Variants in FLRT1 observed in about 807,000 individuals in gnomAD.
FLRT1 encodes fibronectin leucine rich transmembrane protein 1.
A neutral mutation model predicts 30.9 loss-of-function variants in FLRT1; 14 were observed. The ratio of observed to expected loss-of-function variants is 0.45; its 90% confidence interval spans 0.30 to 0.71. The LOEUF is 0.71. FLRT1 is among the 30% of genes least tolerant of loss of function. The pLI is 0.08. For missense variants in FLRT1, 737 were observed against 949.2 expected (o/e 0.78, Z 2.94); for synonymous variants, 368 against 430.4 (o/e 0.85, Z 1.80).
chr11:64,054,643 G>A (rs920317103), intron 1 of FLRT1, among the ~76,000 whole-genome samples: 4 of 152,136 alleles, frequency 2.6e-5, no homozygotes, highest in Non-Finnish European at 5.9e-5. Flanking sequence ...AATGGGTGGA[G>A]TACTTGGTGA....
intron 1 of FLRT1, among the ~76,000 whole-genome samples, chr11:64,042,086 G>A (rs1460026854): frequency 6.6e-6 from 1 of 152,172 alleles, no homozygotes; most frequent in Non-Finnish European, 1.5e-5. Flanking sequence ...CAGGGAAGGT[G>A]GCGGTGGCCC....
At chr11:64,108,017 G>A (rs940014007) in intron 2 of FLRT1, among the ~76,000 whole-genome samples, 2 of 152,164 alleles carry the variant, frequency 1.3e-5, no homozygotes, top group Non-Finnish European at 2.9e-5. Flanking sequence ...AAAGCCCAGG[G>A]AAGTAGATCG....
At chr11:64,080,421 T>C (rs918917332) in intron 1 of FLRT1, among the ~76,000 whole-genome samples, 5 of 152,194 alleles carry the variant, frequency 3.3e-5, no homozygotes, top group Admixed American at 3.3e-4. Flanking sequence ...CGGGTTTTTT[T>C]GTGTGTATTT....
intron 2 of FLRT1, among the ~76,000 whole-genome samples, chr11:64,106,280 C>A (rs1359812731): frequency 6.6e-6 from 1 of 152,080 alleles, no homozygotes; most frequent in African/African-American, 2.4e-5. Context: ...GGTGAGGGCA[C>A]CCTGGGTCAC....
chr11:64,070,444 A>G (rs1944086252), intron 1 of FLRT1, among the ~76,000 whole-genome samples: 1 of 152,180 alleles, frequency 6.6e-6, no homozygotes, highest in Non-Finnish European at 1.5e-5. Context: ...AGGGACTGCA[A>G]GGGATAAAAC....
At chr11:64,040,025 C>CTCAT (rs992718465) in intron 1 of FLRT1, among the ~76,000 whole-genome samples, 90 of 152,342 alleles carry the variant, frequency 5.9e-4, no homozygotes, top group Middle Eastern at 3.4e-3. Flanking sequence ...TCCTTTCCTG[C>CTCAT]TCATTCATTC....
rs546342049 is a variant in FLRT1, at chr11:64,093,731, G to A, written c.-1037-9463G>A. Reference sequence around the variant, plus strand: ...TCACTCCCCACCCACTGGGCCTCCCGCTCTGTAGTGTGGCTGTGTGTCTCT... The same window carrying A: ...TCACTCCCCACCCACTGGGCCTCCCACTCTGTAGTGTGGCTGTGTGTCTCT... On this transcript the variant is annotated intron_variant, in intron 1 of 2. Transcript: ENST00000682287. Among the ~76,000 whole-genome samples, 249 of 152,250 alleles carry A rather than the reference G, an allele frequency of 1.6e-3. 2 individuals carry two copies. Among genetic ancestry groups the A allele is most frequent in the African/African-American group, 5.7e-3 (235 of 41,540 alleles).
rs549767509 is a variant in FLRT1, at chr11:64,103,645, G to A, written c.-586G>A. ...GTAAAAGCCACGCAGAGGCCCTTCAGAAGAGGTGGCGGGCTGCAGACAAAA... is the reference window on the plus strand; with the variant it reads ...GTAAAAGCCACGCAGAGGCCCTTCAAAAGAGGTGGCGGGCTGCAGACAAAA... On this transcript the variant is annotated 5_prime_UTR_variant, in exon 2 of 3. Transcript: ENST00000682287. 19 of 152,096 alleles carry A rather than the reference G, an allele frequency of 1.2e-4. No individual in the cohort carries two copies. Among genetic ancestry groups the A allele is most frequent in the African/African-American group, 4.6e-4 (19 of 41,460 alleles). The allele number at this position is 152,096 out of a possible 1,614,324, so 9.4% of individuals were successfully genotyped here. A position where few individuals can be genotyped will look rare whatever the true frequency, so the allele number is the denominator to read the frequency against.
intron 1 of FLRT1, among the ~76,000 whole-genome samples, chr11:64,059,492 C>T (rs541311858): frequency 1.3e-5 from 2 of 152,330 alleles, no homozygotes; most frequent in Non-Finnish European, 2.9e-5. Flanking sequence ...TGCCCTTCCA[C>T]AGGCTGACCC....
chr11:64,053,185 T>C (rs1021398094), intron 1 of FLRT1, among the ~76,000 whole-genome samples: 1 of 152,066 alleles, frequency 6.6e-6, no homozygotes, highest in African/African-American at 2.4e-5. Flanking sequence ...CTTGGGGCCC[T>C]GGGGTGGGCG....
At chr11:64,069,122 C>T (rs939094211) in intron 1 of FLRT1, among the ~76,000 whole-genome samples, 2 of 152,148 alleles carry the variant, frequency 1.3e-5, no homozygotes, top group African/African-American at 4.8e-5. Context: ...GTGAGGGTGA[C>T]GGTGTCCAGC....
chr11:64,069,477 C>T (rs1157882009), intron 1 of FLRT1, among the ~76,000 whole-genome samples: 2 of 152,214 alleles, frequency 1.3e-5, no homozygotes, highest in Non-Finnish European at 2.9e-5. Context: ...CAGTCTGGTC[C>T]CCTTTAGCCT....
At chr11:64,080,742 C>T (rs559934103) in intron 1 of FLRT1, among the ~76,000 whole-genome samples, 3 of 152,286 alleles carry the variant, frequency 2.0e-5, no homozygotes, top group Admixed American at 6.5e-5. Context: ...GACAGGCCCC[C>T]GGCTGGATCC....
At chr11:64,104,336 C>A (rs1167531041) in intron 2 of FLRT1, among the ~76,000 whole-genome samples, 155 bp downstream of exon 2, 1 of 152,130 alleles carries the variant, frequency 6.6e-6, no homozygotes, top group Non-Finnish European at 1.5e-5. Flanking sequence ...CAGCTCCATC[C>A]CACACACCCA....
chr11:64,038,065 C>T (rs1044366925), intron 1 of FLRT1, among the ~76,000 whole-genome samples: 3 of 152,150 alleles, frequency 2.0e-5, no homozygotes, highest in African/African-American at 7.2e-5. Flanking sequence ...ACTTCATCCT[C>T]ACGCTGGCCC....
chr11:64,058,875 T>G (rs953787907), intron 1 of FLRT1, among the ~76,000 whole-genome samples: 4 of 152,078 alleles, frequency 2.6e-5, no homozygotes, highest in Non-Finnish European at 5.9e-5. Context: ...GGAGCTTCCA[T>G]CTTCACTCTG....
intron 1 of FLRT1, among the ~76,000 whole-genome samples, chr11:64,086,730 T>C (rs1236090852): frequency 1.3e-5 from 2 of 152,136 alleles, no homozygotes; most frequent in East Asian, 3.9e-4. Context: ...AAGGTTCTCG[T>C]GCTCACAGTA....
chr11:64,097,614 A>G (rs958916590), intron 1 of FLRT1, among the ~76,000 whole-genome samples: 10 of 152,238 alleles, frequency 6.6e-5, no homozygotes, highest in Non-Finnish European at 4.4e-5. Context: ...GGGTTTTGTC[A>G]GGAGATGGTT....
intron 1 of FLRT1, among the ~76,000 whole-genome samples, chr11:64,089,870 G>A (rs1944459412): frequency 6.6e-6 from 1 of 152,194 alleles, no homozygotes; most frequent in Non-Finnish European, 1.5e-5. Context: ...TGGTGCTGGA[G>A]TCGAGACCAG....
Sources: allele counts gnomAD v4.1 joint callset (sites outside exome capture counted in the v4.1 genomes callset), GRCh38; gene constraint gnomAD v4.1.1; transcripts MANE v1.5; gene names NCBI Gene and HGNC (gene_info 2026-07-23, HGNC 2026-07-21).